LSP1: variants seen among roughly 807,000 people sequenced by gnomAD.
LSP1 encodes lymphocyte specific protein 1.
LSP1 carries 32 observed loss-of-function variants against 49.3 expected under a neutral mutation model. That is an observed-to-expected ratio of 0.65 (90% confidence interval 0.49 to 0.87). The LOEUF (loss-of-function observed/expected upper bound fraction) is 0.87, where lower values mean the gene tolerates loss of function less well. Ranked by LOEUF, LSP1 falls within the 40% of genes least tolerant of loss-of-function variation. The pLI, the probability that LSP1 is intolerant of heterozygous loss-of-function variation, is 0.00. For synonymous variants in LSP1, 179 were observed against 178.8 expected (o/e 1.00, Z -0.01); for missense variants, 428 against 442.6 (o/e 0.97, Z 0.30).
rs1313399101 is a variant in LSP1 at position 1,870,446 on chromosome 11, G to A, written c.54-9641G>A. On this transcript the variant is annotated intron_variant, in intron 1 of 10. Transcript: ENST00000311604. ...CCCCCAGGGATGATGAGTCTGGGAG[G>A]GGCTGGTCAGCCATGAAAGCTTCGG... 9.1e-6 allele frequency: 11 copies of A among 1,202,516 alleles called. No homozygotes were observed. In the Admixed American group the frequency reaches 1.7e-4, roughly 19 times the overall value. 74.5% of individuals were successfully genotyped at this position (1,202,516 alleles called of 1,614,324 possible).
At chr11:1,853,643 A>G (rs1847416497) in intron 1 of LSP1, among the ~76,000 whole-genome samples, 1 of 152,154 alleles carries the variant, frequency 6.6e-6, no homozygotes, top group Admixed American at 6.5e-5. Context: ...ACTATCTGAG[A>G]GGGGCTATCC....
chr11:1,861,233 G>A (rs57585320), intron 1 of LSP1, among the ~76,000 whole-genome samples: 1,945 of 152,246 alleles, frequency 0.013, 37 homozygotes, highest in African/African-American at 0.044. Context: ...GCTATCATAC[G>A]TAAAATATCA....
intron 10 of LSP1, chr11:1,890,183 G>A (rs1402043805): frequency 1.4e-5 from 10 of 716,946 alleles, no homozygotes; most frequent in African/African-American, 5.2e-5. Context: ...GGGTGAGGCC[G>A]ATGGAGAACG....
chr11:1,870,488 A>C, intron 1 of LSP1: 1 of 1,197,412 alleles, frequency 8.4e-7, no homozygotes. Flanking sequence ...GCCGGTGGCC[A>C]GGCCGGGCAC....
At chr11:1,879,988 C>T (rs2133111067) in intron 1 of LSP1, 99 bp from the exon 2 acceptor site, 1 of 1,443,350 alleles carries the variant, frequency 6.9e-7, no homozygotes, top group Non-Finnish European at 9.5e-7. Context: ...GCTGCCTGCA[C>T]CGTGTGGCCC....
intron 1 of LSP1, 85 bp downstream of exon 1, chr11:1,853,282 G>A (rs1233959609): frequency 9.1e-6 from 13 of 1,422,124 alleles, no homozygotes; most frequent in Non-Finnish European, 1.1e-5. Flanking sequence ...GGAGAACTGA[G>A]GTGCCTGATG....
chr11:1,853,952 T>C (rs1847423866), intron 1 of LSP1, among the ~76,000 whole-genome samples: 1 of 152,140 alleles, frequency 6.6e-6, no homozygotes, highest in Non-Finnish European at 1.5e-5. Context: ...TGGAGAGGGC[T>C]AGCGGCTTAG....
intron 1 of LSP1, among the ~76,000 whole-genome samples, chr11:1,856,366 A>G (rs1368634303): frequency 1.3e-5 from 2 of 152,114 alleles, no homozygotes; most frequent in Non-Finnish European, 2.9e-5. Flanking sequence ...AGCTCTTCCC[A>G]GTTTTGGAAG....
At chr11:1,865,536 C>T (rs996935891) in intron 1 of LSP1, among the ~76,000 whole-genome samples, 1 of 148,150 alleles carries the variant, frequency 6.7e-6, no homozygotes, top group Non-Finnish European at 1.5e-5. Context: ...CTGCTCACAC[C>T]GTCCCACCCG....
intron 1 of LSP1, among the ~76,000 whole-genome samples, chr11:1,877,168 C>T (rs1326066729): frequency 6.6e-6 from 1 of 152,086 alleles, no homozygotes; most frequent in Non-Finnish European, 1.5e-5. Flanking sequence ...CTTTCCCAGG[C>T]CAGAGGCCCC....
chr11:1,878,254 G>A (rs1358694969), intron 1 of LSP1, among the ~76,000 whole-genome samples: 1 of 152,164 alleles, frequency 6.6e-6, no homozygotes, highest in Non-Finnish European at 1.5e-5. Flanking sequence ...TCTGTGTGGA[G>A]GGGCTGGGGC....
chr11:1,866,715 C>T (rs1847802699), intron 1 of LSP1: 13 of 1,550,438 alleles, frequency 8.4e-6, no homozygotes, highest in Non-Finnish European at 1.0e-5. Context: ...GCTCTGTGGC[C>T]TGGGATTTGA....
chr11:1,866,398 G>T (rs1847789388), intron 1 of LSP1: 4 of 1,315,636 alleles, frequency 3.0e-6, no homozygotes, highest in Admixed American at 5.7e-5. Flanking sequence ...GCTAAGTGGG[G>T]TCTGAGGAGT....
chr11:1,868,001 C>T (rs1008059407), intron 1 of LSP1, among the ~76,000 whole-genome samples: 39 of 152,212 alleles, frequency 2.6e-4, no homozygotes, highest in Non-Finnish European at 4.4e-5. Flanking sequence ...CAATGCCTCC[C>T]TGCCAAGTCT....
At position 1,887,509 on chromosome 11, in the gene LSP1, C is replaced by T; in HGVS notation, c.966C>T (p.Ala322=). The T allele has an allele frequency of 6.2e-7, 1 of 1,613,918 alleles. No individual in the cohort carries two copies. Among genetic ancestry groups the T allele is most frequent in the African/African-American group, 1.3e-5 (1 of 74,998 alleles). ...CTGGGAAGAGGTATAAGTTTGTGGC[C>T]ACCGGGCATGGGAAGTATGAGAAGG... The part of the protein sequence containing the change: ...TPSGKRYKFV[A]TGHGKYEKVL... Residue 322 remains alanine, a synonymous_variant, in exon 10 of 11, where the codon GCC becomes GCT. Coordinates refer to ENST00000311604, the MANE Select transcript of LSP1 (RefSeq NM_002339.3).
At chr11:1,866,498 T>A in intron 1 of LSP1, 1 of 1,498,840 alleles carries the variant, frequency 6.7e-7, no homozygotes, top group Non-Finnish European at 8.9e-7. Context: ...GGTCCCCACC[T>A]GGCAGGGTCT....
intron 1 of LSP1, among the ~76,000 whole-genome samples, chr11:1,854,520 G>A (rs1175091312): frequency 6.6e-6 from 1 of 152,188 alleles, no homozygotes; most frequent in African/African-American, 2.4e-5. Context: ...TGTGTGAGGG[G>A]TCTGCATCTC....
At chr11:1,885,716 C>A (rs569212897) in intron 7 of LSP1, among the ~76,000 whole-genome samples, 88 of 151,262 alleles carry the variant, frequency 5.8e-4, no homozygotes, top group Non-Finnish European at 1.1e-3. Flanking sequence ...CACCCAGTGC[C>A]CCTCCATCCA....
At chr11:1,853,302 G>T in intron 1 of LSP1, 105 bp downstream of exon 1, 1 of 1,305,452 alleles carries the variant, frequency 7.7e-7, no homozygotes, top group South Asian at 1.5e-5. Flanking sequence ...GGGGAATCTG[G>T]GGCCCCCAAT....
Sources: gnomAD v4.1 joint callset for allele counts (sites outside exome capture counted in the v4.1 genomes callset) on GRCh38, gnomAD v4.1.1 for gene constraint, MANE v1.5 for transcripts, NCBI Gene and HGNC (gene_info 2026-07-23, HGNC 2026-07-21) for gene names.